The following KMT2C variants were observed in gnomAD, a reference collection of about 807,000 sequenced individuals.
The protein encoded by KMT2C is histone-lysine N-methyltransferase 2C.
KMT2C carries 88 observed loss-of-function variants against 507.9 expected under a neutral mutation model. The ratio of observed to expected loss-of-function variants is 0.17; its 90% CI spans 0.15 to 0.21. KMT2C has a LOEUF of 0.21. KMT2C is among the 10% of genes least tolerant of loss of function. The pLI is 1.00. For synonymous variants in KMT2C, 2,049 were observed against 2,080.8 expected (o/e 0.98, Z 0.42); for missense variants, 4,954 against 5,957.8 (o/e 0.83, Z 5.55).
chr7:152,219,506 G>T (rs2094698082), intron 23 of KMT2C, among the ~76,000 whole-genome samples: 1 of 151,716 alleles, frequency 6.6e-6, no homozygotes, highest in Admixed American at 6.6e-5. Context: ...TGCTACTTGA[G>T]AGGCTGAGGC....
rs1030358296 is a variant in KMT2C at position 152,363,609 on chromosome 7, G to A, written c.162-4934C>T. Among the ~76,000 whole-genome samples the A allele has an allele frequency of 1.1e-4, 16 of 152,248 alleles. No individual in the cohort carries two copies. In the East Asian group the frequency reaches 2.1e-3, roughly 20 times the overall value. ...CAGGGTGACCCCTACCATGGCACAG[G>A]CTTTCTGCTTGGCATTAATTTAGAA... On this transcript the variant is annotated intron_variant, in intron 1 of 58. Coordinates refer to ENST00000262189, the MANE Select transcript of KMT2C (RefSeq NM_170606.3).
intron 22 of KMT2C, among the ~76,000 whole-genome samples, chr7:152,221,289 T>C (rs113471847): frequency 6.6e-6 from 1 of 152,132 alleles, no homozygotes; most frequent in African/African-American, 2.4e-5. Context: ...TATTTTCATG[T>C]CCCAATAAAA....
intron 1 of KMT2C, chr7:152,368,550 A>T: frequency 2.2e-6 from 3 of 1,381,234 alleles, no homozygotes; most frequent in South Asian, 2.5e-5. Flanking sequence ...TAGAGGAAAA[A>T]CGTCGTCAGT....
chr7:152,177,272 G>C lies in KMT2C; in HGVS notation c.8181C>G (p.Gly2727=). ...LENLNLDTED[G]KVVELDTLDN... ...CTAAAGTATCCAATTCAACTACCTT[G>C]CCATCCTCTGTATCTAAATTTAAGT... Residue 2727 remains glycine, a synonymous_variant, in exon 38 of 59, where the codon GGC becomes GGG. Coordinates refer to ENST00000262189, the MANE Select transcript of KMT2C (RefSeq NM_170606.3). 1 of 1,613,834 alleles carries C rather than the reference G, an allele frequency of 6.2e-7. No homozygotes were observed. The highest frequency in any genetic ancestry group is 8.5e-7 in the Non-Finnish European group (1 of 1,179,998).
At chr7:152,411,212 A>G (rs1051978129) in intron 1 of KMT2C, among the ~76,000 whole-genome samples, 1 of 151,512 alleles carries the variant, frequency 6.6e-6, no homozygotes. Context: ...ATGAAAAGAA[A>G]CAAAAACTTT....
At chr7:152,227,505 T>C (rs2094968233) in intron 18 of KMT2C, among the ~76,000 whole-genome samples, 3 of 152,222 alleles carry the variant, frequency 2.0e-5, no homozygotes, top group South Asian at 2.1e-4. Context: ...GGACAACACA[T>C]AGTACAGGAG....
At chr7:152,193,638 G>A (rs1225651792) in intron 31 of KMT2C, among the ~76,000 whole-genome samples, 5 of 152,142 alleles carry the variant, frequency 3.3e-5, no homozygotes, top group African/African-American at 4.8e-5. Context: ...CAGTGAAACC[G>A]AGGGCAGATC....
intron 42 of KMT2C, among the ~76,000 whole-genome samples, chr7:152,165,107 CA>C (rs1268422789): frequency 2.0e-5 from 3 of 152,138 alleles, no homozygotes; most frequent in Non-Finnish European, 4.4e-5. Flanking sequence ...TTTTCCTGGC[CA>C]GTTTACTGGT....
intron 37 of KMT2C, among the ~76,000 whole-genome samples, chr7:152,179,142 C>G (rs1393635854): frequency 1.3e-5 from 2 of 152,290 alleles, no homozygotes; most frequent in East Asian, 3.9e-4. Flanking sequence ...AGGTGCAGTG[C>G]CTGCCGCCAT....
intron 20 of KMT2C, among the ~76,000 whole-genome samples, chr7:152,223,042 G>A (rs1217926730): frequency 6.6e-6 from 1 of 152,184 alleles, no homozygotes; most frequent in Non-Finnish European, 1.5e-5. Context: ...TGTGCTCCAG[G>A]TAATGCATCT....
At chr7:152,254,356 A>G (rs1272130370) in intron 9 of KMT2C, among the ~76,000 whole-genome samples, 1 of 152,206 alleles carries the variant, frequency 6.6e-6, no homozygotes, top group East Asian at 1.9e-4. Flanking sequence ...ACAGACTCTA[A>G]TACCACATTA....
intron 6 of KMT2C, among the ~76,000 whole-genome samples, chr7:152,279,230 G>A (rs2096152043): frequency 6.6e-6 from 1 of 152,190 alleles, no homozygotes; most frequent in Admixed American, 6.5e-5. Context: ...TAACGGCAGA[G>A]TTTCAATCAA....
chr7:152,381,423 T>C (rs1182222805), intron 1 of KMT2C, among the ~76,000 whole-genome samples: 4 of 152,104 alleles, frequency 2.6e-5, no homozygotes, highest in Admixed American at 6.6e-5. Context: ...CTGCTTAACA[T>C]CCTACACACA....
intron 6 of KMT2C, among the ~76,000 whole-genome samples, chr7:152,306,769 T>C (rs2096618601): frequency 6.6e-6 from 1 of 152,150 alleles, no homozygotes; most frequent in South Asian, 2.1e-4. Flanking sequence ...AAATGTGTTG[T>C]TTTATGTTTG....
intron 6 of KMT2C, among the ~76,000 whole-genome samples, chr7:152,277,358 G>T (rs1177705661): frequency 6.6e-6 from 1 of 152,116 alleles, no homozygotes; most frequent in Non-Finnish European, 1.5e-5. Context: ...ATGAAAATCT[G>T]ATCCAGAAGG....
chr7:152,395,352 CT>C (rs927692568), intron 1 of KMT2C, among the ~76,000 whole-genome samples: 21 of 151,410 alleles, frequency 1.4e-4, no homozygotes, highest in East Asian at 1.9e-4. Context: ...CCTGGCTTTT[CT>C]TTCCCCCCCC....
intron 23 of KMT2C, among the ~76,000 whole-genome samples, chr7:152,216,335 ACTTTT>A (rs1464534608): frequency 8.5e-5 from 13 of 152,192 alleles, no homozygotes; most frequent in Admixed American, 7.9e-4. Flanking sequence ...ATGATGTATG[ACTTTT>A]CTTAAGGAAG....
At chr7:152,255,114 T>C (rs2095627624) in intron 9 of KMT2C, among the ~76,000 whole-genome samples, 1 of 89,780 alleles carries the variant, frequency 1.1e-5, no homozygotes, top group African/African-American at 9.3e-5. Flanking sequence ...CTCACTTATA[T>C]ATATATATAT....
chr7:152,287,604 T>C (rs2096325509), intron 6 of KMT2C, among the ~76,000 whole-genome samples: 1 of 152,194 alleles, frequency 6.6e-6, no homozygotes, highest in Non-Finnish European at 1.5e-5. Flanking sequence ...TAACATGTTA[T>C]ACCATACTAA....
Sources: gnomAD v4.1 joint callset for allele counts (sites outside exome capture counted in the v4.1 genomes callset) on GRCh38, gnomAD v4.1.1 for gene constraint, MANE v1.5 for transcripts, NCBI Gene and HGNC (gene_info 2026-07-23, HGNC 2026-07-21) for gene names.